NTM: variants seen among roughly 807,000 people sequenced by gnomAD.
NTM encodes neurotrimin.
A neutral mutation model predicts 42.1 loss-of-function variants in NTM; 13 were observed. The ratio of observed to expected loss-of-function variants is 0.31; its 90% confidence interval spans 0.20 to 0.49. NTM has a LOEUF of 0.49. NTM is among the 20% of genes least tolerant of loss of function. The pLI is 0.99. For synonymous variants in NTM, 187 were observed against 179.2 expected, an observed-to-expected ratio of 1.04 and a Z score of -0.35; for missense variants, 373 against 452.8, an observed-to-expected ratio of 0.82 and a Z score of 1.60.
At position 132,020,574 on chromosome 11, in the gene NTM, G is replaced by T. The variant is rs1407716434; in HGVS notation, c.167+108926G>T. Among the ~76,000 whole-genome samples, 4 of 152,032 alleles carry T rather than the reference G, an allele frequency of 2.6e-5. No individual in the cohort carries two copies. In the South Asian group the frequency reaches 6.2e-4, roughly 24 times the overall value. On this transcript the variant is annotated intron_variant, in intron 2 of 8. Coordinates refer to ENST00000683400, the MANE Select transcript of NTM (RefSeq NM_001352005.2). ...AGCTTATCACAATCTACTTTAGATT[G>T]ATAGTAACTAAATTCTGGTAAAATG...
At chr11:131,696,128 T>G (rs2075412543) in intron 1 of NTM, among the ~76,000 whole-genome samples, 1 of 152,118 alleles carries the variant, frequency 6.6e-6, no homozygotes, top group Admixed American at 6.6e-5. Flanking sequence ...GAGGGCGAAT[T>G]GTACTTGGGA....
intron 1 of NTM, among the ~76,000 whole-genome samples, chr11:131,468,612 A>T (rs1952123413): frequency 6.6e-6 from 1 of 152,204 alleles, no homozygotes. Flanking sequence ...TATCATGTCA[A>T]TGTCATTTGA....
At chr11:131,831,349 C>A (rs2042793518) in intron 1 of NTM, among the ~76,000 whole-genome samples, 1 of 152,098 alleles carries the variant, frequency 6.6e-6, no homozygotes, top group Non-Finnish European at 1.5e-5. Flanking sequence ...GTTGAAGTCC[C>A]AGCACAAATA....
At chr11:132,012,541 A>T (rs1447305291) in intron 2 of NTM, among the ~76,000 whole-genome samples, 1 of 152,188 alleles carries the variant, frequency 6.6e-6, no homozygotes, top group Non-Finnish European at 1.5e-5. Flanking sequence ...AAATTTCTAA[A>T]CATGTTTTTT....
At chr11:131,983,433 T>A (rs1258153505) in intron 2 of NTM, among the ~76,000 whole-genome samples, 1 of 145,322 alleles carries the variant, frequency 6.9e-6, no homozygotes, top group African/African-American at 2.6e-5. Flanking sequence ...CAGAGTGCAG[T>A]GGTGTGATCT....
At chr11:132,331,885 T>G (rs2095807139) in intron 8 of NTM, among the ~76,000 whole-genome samples, 1 of 152,160 alleles carries the variant, frequency 6.6e-6, no homozygotes, top group Non-Finnish European at 1.5e-5. Context: ...CGCCCCTGTG[T>G]GCTCACATGT....
chr11:132,311,495 A>T (rs1479718300), intron 6 of NTM, among the ~76,000 whole-genome samples: 1 of 152,190 alleles, frequency 6.6e-6, no homozygotes, highest in Non-Finnish European at 1.5e-5. Context: ...CCTTCTTCCA[A>T]GAAAGAAGAA....
intron 4 of NTM, among the ~76,000 whole-genome samples, chr11:132,270,651 TTA>T (rs1565350768): frequency 6.4e-5 from 9 of 140,484 alleles, no homozygotes; most frequent in East Asian, 3.5e-4. Flanking sequence ...AAATTTATTT[TTA>T]TTTTTTTTTT....
At chr11:131,731,275 G>A (rs1030302196) in intron 1 of NTM, among the ~76,000 whole-genome samples, 4 of 152,026 alleles carry the variant, frequency 2.6e-5, no homozygotes, top group Non-Finnish European at 4.4e-5. Context: ...TCTTCATTAT[G>A]TTCACCTGTT....
intron 7 of NTM, among the ~76,000 whole-genome samples, chr11:132,321,110 G>T (rs959158498): frequency 6.6e-5 from 10 of 151,932 alleles, no homozygotes; most frequent in East Asian, 1.9e-4. Flanking sequence ...ACTCTAAAAA[G>T]CTGAGCGCCT....
intron 1 of NTM, among the ~76,000 whole-genome samples, chr11:131,697,421 G>T (rs1210965040): frequency 1.3e-5 from 2 of 152,088 alleles, no homozygotes; most frequent in Non-Finnish European, 2.9e-5. Context: ...CAGGACCTTT[G>T]GTAACCTTGG....
At chr11:131,538,388 T>A (rs1256681818) in intron 1 of NTM, 1 of 152,210 alleles carries the variant, frequency 6.6e-6, no homozygotes, top group East Asian at 1.9e-4. Context: ...AGAATCTTAT[T>A]TTTCTTATTG....
At chr11:132,303,423 T>C (rs2094940567) in intron 4 of NTM, among the ~76,000 whole-genome samples, 1 of 152,232 alleles carries the variant, frequency 6.6e-6, no homozygotes. Flanking sequence ...TCACCCTGTG[T>C]GTCTTCACAC....
chr11:131,525,182 C>T (rs1182996281), intron 1 of NTM, among the ~76,000 whole-genome samples: 1 of 152,094 alleles, frequency 6.6e-6, no homozygotes, highest in African/African-American at 2.4e-5. Context: ...AGGATTGATC[C>T]CCAAAAGGGC....
At chr11:132,250,751 A>G (rs556333396) in intron 4 of NTM, among the ~76,000 whole-genome samples, 1 of 152,114 alleles carries the variant, frequency 6.6e-6, no homozygotes, top group South Asian at 2.1e-4. Context: ...TACCTTTAAT[A>G]GGTTTATTTT....
chr11:132,244,818 G>A (rs916674563), intron 4 of NTM, among the ~76,000 whole-genome samples: 2 of 152,208 alleles, frequency 1.3e-5, no homozygotes, highest in African/African-American at 2.4e-5. Flanking sequence ...CCAGCCCACC[G>A]GCTCACTGCA....
chr11:132,111,948 G>A (rs2063267008), intron 2 of NTM, among the ~76,000 whole-genome samples: 1 of 152,234 alleles, frequency 6.6e-6, no homozygotes, highest in Admixed American at 6.5e-5. Context: ...ATAGGCGTTT[G>A]GCAAAGGAAG....
chr11:131,982,688 C>A (rs936608705), intron 2 of NTM, among the ~76,000 whole-genome samples: 1 of 152,164 alleles, frequency 6.6e-6, no homozygotes, highest in Admixed American at 6.5e-5. Context: ...CTTTAAAAAG[C>A]AGTGATTTAG....
At position 131,665,955 on chromosome 11, in the gene NTM, G is replaced by A. The variant is rs77942324; in HGVS notation, c.83-245609G>A. ...AGGAATAATAAATATTTTAAGACACGCATTGCTCAGTATCCAGTTTTGCTG... is the reference window on the plus strand; with the variant it reads ...AGGAATAATAAATATTTTAAGACACACATTGCTCAGTATCCAGTTTTGCTG... On this transcript the variant is annotated intron_variant, in intron 1 of 8. Coordinates refer to ENST00000683400, the MANE Select transcript of NTM (RefSeq NM_001352005.2). 9.9e-3 allele frequency among the ~76,000 whole-genome samples: 1,510 copies of A among 152,290 alleles called. 28 individuals are homozygous for A. The highest frequency in any genetic ancestry group is 0.034 in the African/African-American group (1,413 of 41,538).
Sources: gnomAD v4.1 joint callset for allele counts (sites outside exome capture counted in the v4.1 genomes callset) on GRCh38, gnomAD v4.1.1 for gene constraint, MANE v1.5 for transcripts, NCBI Gene and HGNC (gene_info 2026-07-23, HGNC 2026-07-21) for gene names.